Variants in EYA4 observed in about 807,000 individuals in gnomAD.
EYA4 encodes EYA transcriptional coactivator and phosphatase 4, also known as protein phosphatase EYA4.
In EYA4, 31 loss-of-function variants were observed where a neutral mutation model predicts 87.9. That is an observed-to-expected ratio of 0.35 (90% CI 0.27 to 0.48). The LOEUF is 0.48. EYA4 is among the 20% of genes least tolerant of loss of function. EYA4 has a pLI of 0.99. For missense variants in EYA4, 678 were observed against 761.4 expected (o/e 0.89, Z 1.29); for synonymous variants, 263 against 270.6 (o/e 0.97, Z 0.28).
chr6:133,276,520 T>C (rs1274236556), intron 2 of EYA4, among the ~76,000 whole-genome samples: 2 of 152,198 alleles, frequency 1.3e-5, no homozygotes, highest in Non-Finnish European at 2.9e-5. Flanking sequence ...AACTTGTAAA[T>C]CAGATATGGT....
intron 2 of EYA4, among the ~76,000 whole-genome samples, chr6:133,327,948 A>T (rs1781634087): frequency 1.3e-5 from 2 of 152,196 alleles, no homozygotes; most frequent in African/African-American, 4.8e-5. Flanking sequence ...TGTCACTTTC[A>T]TATGGGCCAA....
At chr6:133,284,949 G>T (rs765618898) in intron 2 of EYA4, among the ~76,000 whole-genome samples, 1 of 151,840 alleles carries the variant, frequency 6.6e-6, no homozygotes, top group African/African-American at 2.4e-5. Context: ...AAGTGCTTGC[G>T]GGCAGGGTAG....
chr6:133,288,039 G>A (rs1169013911), intron 2 of EYA4, among the ~76,000 whole-genome samples: 2 of 152,138 alleles, frequency 1.3e-5, no homozygotes, highest in African/African-American at 4.8e-5. Flanking sequence ...TGAAGTAGAA[G>A]AATCGCTGGA....
chr6:133,393,869 C>T (rs1787523582), intron 3 of EYA4, among the ~76,000 whole-genome samples: 1 of 152,016 alleles, frequency 6.6e-6, no homozygotes, highest in African/African-American at 2.4e-5. Context: ...GATTCTTCAC[C>T]AGTGGAACTC....
intron 13 of EYA4, among the ~76,000 whole-genome samples, chr6:133,488,005 G>C (rs1796826008): frequency 8.5e-5 from 13 of 152,170 alleles, no homozygotes; most frequent in Admixed American, 8.5e-4. Context: ...GGTGCCCACT[G>C]CCCTGAAGGG....
At position 133,525,038 on chromosome 6, in the gene EYA4, A is replaced by T. The variant is rs778516711; in HGVS notation, c.1739-116A>T. Reference sequence around the variant, plus strand: ...AGGCAAGGAAAGCTGTTTTGAGCGTATAGTGTCCAGATTTGGCACTAACAT... The same window carrying T: ...AGGCAAGGAAAGCTGTTTTGAGCGTTTAGTGTCCAGATTTGGCACTAACAT... On this transcript the variant is annotated intron_variant, in intron 18 of 19. Coordinates refer to ENST00000355286, the MANE Select transcript of EYA4 (RefSeq NM_004100.5). The T allele has an allele frequency of 6.2e-7, 1 of 1,613,638 alleles. No individual in the cohort carries two copies.
chr6:133,317,176 A>G (rs1424511012), intron 2 of EYA4, among the ~76,000 whole-genome samples: 2 of 152,346 alleles, frequency 1.3e-5, no homozygotes, highest in South Asian at 2.1e-4. Context: ...GAAGGCTCTG[A>G]GACATTAAGA....
intron 13 of EYA4, among the ~76,000 whole-genome samples, chr6:133,504,717 T>C (rs539285507): frequency 7.2e-5 from 11 of 152,254 alleles, no homozygotes; most frequent in Non-Finnish European, 1.3e-4. Flanking sequence ...TGGATTATCA[T>C]AGTGGAGGTG....
At chr6:133,496,997 T>G (rs1797698024) in intron 13 of EYA4, among the ~76,000 whole-genome samples, 1 of 152,136 alleles carries the variant, frequency 6.6e-6, no homozygotes, top group Admixed American at 6.5e-5. Flanking sequence ...TCTACCTGTC[T>G]TTCTTCCTCT....
At chr6:133,465,563 C>T (rs765380853) in intron 10 of EYA4, among the ~76,000 whole-genome samples, 2 of 152,040 alleles carry the variant, frequency 1.3e-5, no homozygotes, top group Non-Finnish European at 2.9e-5. Context: ...TAAATCAGCT[C>T]GGAGTGAGAT....
At chr6:133,439,114 T>C (rs1009401367) in intron 3 of EYA4, among the ~76,000 whole-genome samples, 1 of 150,100 alleles carries the variant, frequency 6.7e-6, no homozygotes, top group Admixed American at 6.7e-5. Flanking sequence ...AGATAATGAC[T>C]TTACGAGCAT....
intron 6 of EYA4, among the ~76,000 whole-genome samples, chr6:133,459,874 TTGAC>T (rs1348918416): frequency 3.9e-5 from 6 of 152,118 alleles, no homozygotes; most frequent in East Asian, 1.9e-4. Flanking sequence ...ATTTTCAAAA[TTGAC>T]TGATAATATT....
chr6:133,394,252 G>GAAT (rs1156924982), intron 3 of EYA4, among the ~76,000 whole-genome samples: 1 of 134,380 alleles, frequency 7.4e-6, no homozygotes, highest in Admixed American at 8.0e-5. Flanking sequence ...TCCAACATAA[G>GAAT]AATAGTTGGA....
At chr6:133,524,290 T>G (rs950624639) in intron 18 of EYA4, among the ~76,000 whole-genome samples, 1 of 152,202 alleles carries the variant, frequency 6.6e-6, no homozygotes, top group Admixed American at 6.6e-5. Flanking sequence ...CTTATATTCT[T>G]TAATCTGAAA....
intron 19 of EYA4, among the ~76,000 whole-genome samples, chr6:133,528,005 T>C (rs182948310): frequency 1.3e-4 from 20 of 152,318 alleles, no homozygotes; most frequent in African/African-American, 4.8e-4. Flanking sequence ...ACTATTATAG[T>C]ATATCTTTTG....
chr6:133,259,311 T>C (rs1214342687), intron 1 of EYA4, among the ~76,000 whole-genome samples: 1 of 152,188 alleles, frequency 6.6e-6, no homozygotes, highest in African/African-American at 2.4e-5. Flanking sequence ...CAGCCTGCCA[T>C]ACATGTGAAA....
chr6:133,478,495 A>G lies in EYA4; in HGVS notation c.971-2968A>G, dbSNP rs563853316. On this transcript the variant is annotated intron_variant, in intron 11 of 19. Transcript: ENST00000355286. ...TTCTAGCCACATTAAGGAAAGGACA[A>G]CTGCTATCCCAGGCTAGAATATGGA... 1.4e-4 allele frequency among the ~76,000 whole-genome samples: 21 copies of G among 152,314 alleles called. No individual in the cohort carries two copies. The East Asian group carries it at 2.9e-3, about 21-fold the overall frequency.
chr6:133,330,332 G>A (rs1781825005), intron 2 of EYA4, among the ~76,000 whole-genome samples: 1 of 152,000 alleles, frequency 6.6e-6, no homozygotes, highest in Non-Finnish European at 1.5e-5. Flanking sequence ...AATATAGTGT[G>A]TGAAAGATAT....
At chr6:133,408,125 T>C (rs1788886579) in intron 3 of EYA4, among the ~76,000 whole-genome samples, 1 of 152,226 alleles carries the variant, frequency 6.6e-6, no homozygotes, top group Non-Finnish European at 1.5e-5. Context: ...TATTTACTAC[T>C]AAAAACTTCA....
Sources: allele counts gnomAD v4.1 joint callset (sites outside exome capture counted in the v4.1 genomes callset), GRCh38; gene constraint gnomAD v4.1.1; transcripts MANE v1.5; gene names NCBI Gene and HGNC (gene_info 2026-07-23, HGNC 2026-07-21).